NFYA: variants seen among roughly 807,000 people sequenced by gnomAD.
NFYA encodes nuclear transcription factor Y subunit alpha, also known as CAAT-box DNA binding protein subunit A.
NFYA carries 28 observed loss-of-function variants against 52.8 expected under a neutral mutation model. The observed-to-expected ratio is 0.53, with a 90% CI of 0.39 to 0.73. The LOEUF is 0.73. Among genes scored for constraint, NFYA ranks in the 30% least tolerant of loss-of-function variants. The pLI is 0.00. For synonymous variants in NFYA, 150 were observed against 150.7 expected (o/e 1.00, Z 0.03); for missense variants, 234 against 427.0 (o/e 0.55, Z 3.98).
chr6:41,073,606 C>T (rs1763615592), intron 1 of NFYA, among the ~76,000 whole-genome samples: 1 of 152,144 alleles, frequency 6.6e-6, no homozygotes. Flanking sequence ...GTCTTATCTG[C>T]AGCCCCTCTA....
intron 4 of NFYA, 130 bp from the exon 5 acceptor site, chr6:41,089,449 G>T: frequency 1.0e-6 from 1 of 953,368 alleles, no homozygotes. Flanking sequence ...CATAATGGAG[G>T]GCAGAGCAGG....
In NFYA at chr6:41,101,742, T is replaced by TA. The variant is rs1484728443; in HGVS notation, c.*4334dup. ...TATTGTTTCCCATAGCTAGGCAGCC[T>TA]AAGAGAGTAGGGGAAAGAGCTGGCT... On this transcript the variant is annotated 3_prime_UTR_variant, in exon 10 of 10. Transcript: ENST00000341376. Among the ~76,000 whole-genome samples the TA allele has an allele frequency of 3.3e-5, 5 of 152,212 alleles. No homozygotes were observed. The East Asian group carries it at 7.7e-4, about 24-fold the overall frequency.
chr6:41,096,801 T>C (rs1183463615), intron 9 of NFYA, among the ~76,000 whole-genome samples: 1 of 152,066 alleles, frequency 6.6e-6, no homozygotes, highest in East Asian at 1.9e-4. Flanking sequence ...GAAATGGGAG[T>C]CAGGAGATTT....
chr6:41,089,134 C>T (rs1764129206), intron 4 of NFYA, among the ~76,000 whole-genome samples: 1 of 152,026 alleles, frequency 6.6e-6, no homozygotes, highest in Non-Finnish European at 1.5e-5. Flanking sequence ...CAGGCATGCA[C>T]CACCATGCCC....
At chr6:41,073,791 C>T (rs1317792037) in intron 1 of NFYA, among the ~76,000 whole-genome samples, 1 of 152,152 alleles carries the variant, frequency 6.6e-6, no homozygotes, top group Non-Finnish European at 1.5e-5. Flanking sequence ...CCGCGCCCCT[C>T]CTCCCAGCCC....
intron 1 of NFYA, among the ~76,000 whole-genome samples, chr6:41,073,689 G>C (rs1011878289): frequency 7.9e-5 from 12 of 152,048 alleles, no homozygotes; most frequent in Non-Finnish European, 1.8e-4. Flanking sequence ...AACGGGGCTG[G>C]CCCGCCCACG....
rs1764483765 is a variant in NFYA at position 41,100,966 on chromosome 6, A to AT, written c.*3556_*3557insT. On this transcript the variant is annotated 3_prime_UTR_variant, in exon 10 of 10. Transcript: ENST00000341376. ...CGGCAGGCCTCCAATAGAGCCTGCT[A>AT]GGCGGATTGGCTGCTACGCGGCTGG... 6.6e-6 allele frequency: 1 copy of AT among 151,086 alleles called. No homozygotes were observed. The highest frequency in any genetic ancestry group is 1.5e-5 in the Non-Finnish European group (1 of 67,808). 9.4% of individuals were successfully genotyped at this position (151,086 alleles called of 1,614,324 possible).
chr6:41,079,056 T>C lies in NFYA; in HGVS notation c.-34T>C. On this transcript the variant is annotated 5_prime_UTR_variant, in exon 2 of 10. Coordinates refer to ENST00000341376, the MANE Select transcript of NFYA (RefSeq NM_002505.5). ...GTGTACCTCACAGCCTTCTAGGATC[T>C]CCAGAGTGGACAGGAATCTCACTTG... 1 of 1,606,762 alleles carries C rather than the reference T, an allele frequency of 6.2e-7. No homozygotes were observed. Among genetic ancestry groups the C allele is most frequent in the Non-Finnish European group, 8.5e-7 (1 of 1,173,760 alleles).
chr6:41,084,754 G>C (rs1026453860), intron 4 of NFYA, among the ~76,000 whole-genome samples: 1 of 152,198 alleles, frequency 6.6e-6, no homozygotes, highest in African/African-American at 2.4e-5. Flanking sequence ...CTTGAGGCCA[G>C]GAGTTCAAGA....
intron 1 of NFYA, among the ~76,000 whole-genome samples, chr6:41,073,821 C>G (rs1029256608): frequency 2.0e-5 from 3 of 152,168 alleles, no homozygotes; most frequent in Non-Finnish European, 2.9e-5. Flanking sequence ...GGGTCTCCGG[C>G]CCGGCGCCGT....
chr6:41,083,385 C>T (rs1263867792), intron 3 of NFYA, among the ~76,000 whole-genome samples: 1 of 152,218 alleles, frequency 6.6e-6, no homozygotes, highest in Non-Finnish European at 1.5e-5. Context: ...ACCATGGAGA[C>T]TGCAAACTGA....
At chr6:41,074,671 A>G (rs1288252097) in intron 1 of NFYA, among the ~76,000 whole-genome samples, 1 of 152,242 alleles carries the variant, frequency 6.6e-6, no homozygotes, top group African/African-American at 2.4e-5. Context: ...TTAGGGGGGA[A>G]AGCCCAGTTG....
rs1764493012 is a variant in NFYA, at chr6:41,101,201, G to C, written c.*3791G>C. 6.6e-6 allele frequency: 1 copy of C among 152,312 alleles called. No individual in the cohort carries two copies. The highest frequency in any genetic ancestry group is 1.5e-5 in the Non-Finnish European group (1 of 68,094). The allele number at this position is 152,312 out of a possible 1,614,324, so 9.4% of individuals were successfully genotyped here. ...CGGGTGAGGGCGACGGCCGGCACTT[G>C]CACTTAAGTCTCCTGGCCTGCGGGA... On this transcript the variant is annotated 3_prime_UTR_variant, in exon 10 of 10. Transcript: ENST00000341376.
At chr6:41,090,351 C>T in intron 6 of NFYA, 42 bp downstream of exon 6, 1 of 1,321,610 alleles carries the variant, frequency 7.6e-7, no homozygotes, top group South Asian at 1.2e-5. Flanking sequence ...TTTGGGGCAA[C>T]TTTTTTGTCC....
At position 41,101,676 on chromosome 6, in the gene NFYA, A is replaced by G. The variant is rs1474722114; in HGVS notation, c.*4266A>G. On this transcript the variant is annotated 3_prime_UTR_variant, in exon 10 of 10. Transcript: ENST00000341376. ...TGGGTAATACCAGGTGCCTGTCCTC[A>G]CTGTGTGAGTGGTTCTCTAGCCAGA... Among the ~76,000 whole-genome samples, 1 of 152,100 alleles carries G rather than the reference A, an allele frequency of 6.6e-6. No individual in the cohort carries two copies. The highest frequency in any genetic ancestry group is 2.4e-5 in the African/African-American group (1 of 41,394).
chr6:41,097,609 C>G lies in NFYA; in HGVS notation c.*199C>G. 1.8e-6 allele frequency: 1 copy of G among 570,848 alleles called. No individual in the cohort carries two copies. 35.4% of individuals were successfully genotyped at this position (570,848 alleles called of 1,614,324 possible). A position where few individuals can be genotyped will look rare whatever the true frequency, so the allele number is the denominator to read the frequency against. On this transcript the variant is annotated 3_prime_UTR_variant, in exon 10 of 10. Coordinates refer to ENST00000341376, the MANE Select transcript of NFYA (RefSeq NM_002505.5). ...TGAAGTTGCAAGCCTTTGTCTTACT[C>G]TTTCAGTCAGGACCTATTTCAGACT...
At chr6:41,077,056 C>T (rs993251279) in intron 1 of NFYA, among the ~76,000 whole-genome samples, 2 of 152,024 alleles carry the variant, frequency 1.3e-5, no homozygotes, top group Non-Finnish European at 2.9e-5. Flanking sequence ...AAAATCTGTA[C>T]GTTACATATA....
chr6:41,091,246 T>C (rs907826941), intron 6 of NFYA, among the ~76,000 whole-genome samples: 108 of 152,246 alleles, frequency 7.1e-4, no homozygotes, highest in African/African-American at 2.5e-3. Context: ...GACTGACCTG[T>C]AGAAGAGGAG....
chr6:41,092,844 G>T, intron 7 of NFYA, 68 bp from the exon 8 acceptor site: 2 of 1,496,684 alleles, frequency 1.3e-6, no homozygotes, highest in Non-Finnish European at 9.0e-7. Context: ...GGATGAAGAG[G>T]AACCAAGAAA....
Sources: allele counts gnomAD v4.1 joint callset (sites outside exome capture counted in the v4.1 genomes callset), GRCh38; gene constraint gnomAD v4.1.1; transcripts MANE v1.5; gene names NCBI Gene and HGNC (gene_info 2026-07-23, HGNC 2026-07-21).